Variants in CREB1 observed in about 807,000 individuals in gnomAD.
CREB1 encodes the protein cyclic AMP-responsive element-binding protein 1.
Under a neutral mutation model 42.0 loss-of-function variants are expected in CREB1, and 2 were observed. That is an observed-to-expected ratio of 0.05 (90% CI 0.02 to 0.15). The LOEUF is 0.15. Ranked by LOEUF, CREB1 falls within the 10% of genes least tolerant of loss-of-function variation. The pLI is 1.00. For missense variants in CREB1, 199 were observed against 388.9 expected (o/e 0.51, Z 4.11); for synonymous variants, 123 against 139.9 (o/e 0.88, Z 0.85).
At chr2:207,586,258 A>G (rs1246021927) in intron 7 of CREB1, among the ~76,000 whole-genome samples, 2 of 152,220 alleles carry the variant, frequency 1.3e-5, no homozygotes, top group South Asian at 2.1e-4. Flanking sequence ...GTGGAACAGA[A>G]TAAAGAACAC....
intron 5 of CREB1, 120 bp from the exon 6 acceptor site, chr2:207,575,152 G>T: frequency 9.9e-7 from 1 of 1,006,952 alleles, no homozygotes; most frequent in East Asian, 2.4e-5. Context: ...ACCCTTCTTG[G>T]TGATGTTATT....
At chr2:207,559,722 G>A (rs1291476370) in intron 2 of CREB1, among the ~76,000 whole-genome samples, 2 of 152,278 alleles carry the variant, frequency 1.3e-5, no homozygotes, top group African/African-American at 2.4e-5. Context: ...ATTTTAGAAC[G>A]TGACTTATTT....
intron 7 of CREB1, among the ~76,000 whole-genome samples, chr2:207,592,300 G>C (rs1185553790): frequency 6.6e-6 from 1 of 151,958 alleles, no homozygotes; most frequent in African/African-American, 2.4e-5. Flanking sequence ...CCAGCTACTC[G>C]GGAGGCTGAG....
chr2:207,587,392 CAAA>C (rs765065014), intron 7 of CREB1, among the ~76,000 whole-genome samples: 4 of 82,734 alleles, frequency 4.8e-5, no homozygotes, highest in Admixed American at 1.4e-4. Flanking sequence ...GACTCCATCT[CAAA>C]AAAAAAAAAA....
intron 7 of CREB1, among the ~76,000 whole-genome samples, chr2:207,587,000 A>C (rs191988122): frequency 3.8e-3 from 572 of 152,378 alleles, no homozygotes; most frequent in Non-Finnish European, 6.5e-3. Context: ...ATGCAGAGAA[A>C]GGTGAACTCT....
At chr2:207,541,536 G>A (rs1188084490) in intron 1 of CREB1, among the ~76,000 whole-genome samples, 1 of 152,092 alleles carries the variant, frequency 6.6e-6, no homozygotes, top group South Asian at 2.1e-4. Context: ...TGTAGCCTTG[G>A]TACATAGTAG....
At chr2:207,590,095 T>G (rs1360478195) in intron 7 of CREB1, among the ~76,000 whole-genome samples, 1 of 142,072 alleles carries the variant, frequency 7.0e-6, no homozygotes, top group Admixed American at 7.4e-5. Flanking sequence ...TTTTTTTTTT[T>G]TTTTTTTTTT....
At chr2:207,566,776 G>A (rs1439188992) in intron 3 of CREB1, among the ~76,000 whole-genome samples, 1 of 152,118 alleles carries the variant, frequency 6.6e-6, no homozygotes, top group African/African-American at 2.4e-5. Context: ...ATATGTAAAT[G>A]CATTAGCATA....
chr2:207,577,277 A>T, intron 6 of CREB1: 1 of 1,068,046 alleles, frequency 9.4e-7, no homozygotes, highest in Non-Finnish European at 1.2e-6. Flanking sequence ...GAAAAATAAA[A>T]TGTAAGATCC....
intron 7 of CREB1, among the ~76,000 whole-genome samples, chr2:207,596,060 A>G (rs2086099978): frequency 6.6e-6 from 1 of 152,202 alleles, no homozygotes; most frequent in African/African-American, 2.4e-5. Context: ...GCCAAATCCA[A>G]TGTCAGAGAG....
chr2:207,562,996 A>G (rs1257531523), intron 3 of CREB1, among the ~76,000 whole-genome samples: 2 of 152,224 alleles, frequency 1.3e-5, no homozygotes, highest in Non-Finnish European at 2.9e-5. Context: ...GAGACAGACT[A>G]TGAAAAAATA....
intron 1 of CREB1, among the ~76,000 whole-genome samples, chr2:207,550,896 C>T (rs1043657204): frequency 1.3e-5 from 2 of 152,162 alleles, no homozygotes; most frequent in Non-Finnish European, 2.9e-5. Context: ...ATCTGACTTA[C>T]GTGTTTTACT....
chr2:207,562,426 C>T (rs1188192544), intron 3 of CREB1, among the ~76,000 whole-genome samples: 4 of 152,044 alleles, frequency 2.6e-5, no homozygotes. Flanking sequence ...TATTCTGGGG[C>T]AACATAATTT....
At chr2:207,555,255 T>TCTCTCTGTAC (rs1362377054) in intron 1 of CREB1, among the ~76,000 whole-genome samples, 1 of 152,224 alleles carries the variant, frequency 6.6e-6, no homozygotes, top group Non-Finnish European at 1.5e-5. Flanking sequence ...TCTTCTGCCA[T>TCTCTCTGTAC]CTCTCTGTAC....
chr2:207,572,035 G>T (rs2106553306), intron 5 of CREB1, among the ~76,000 whole-genome samples: 1 of 152,138 alleles, frequency 6.6e-6, no homozygotes, highest in East Asian at 1.9e-4. Flanking sequence ...AGACCAGCCT[G>T]CCCAACATGG....
At chr2:207,571,870 AC>A in intron 5 of CREB1, 1 of 376,790 alleles carries the variant, frequency 2.7e-6, no homozygotes, top group Non-Finnish European at 5.3e-6. Flanking sequence ...TTAGAAAAGT[AC>A]CAGCACCCCC....
chr2:207,597,576 C>T lies in CREB1; in HGVS notation c.*518C>T, dbSNP rs1312653737. On this transcript the variant is annotated 3_prime_UTR_variant, in exon 8 of 8. Transcript: ENST00000353267. ...TATGTAAAGTTGTTAAGAGACATAC[C>T]CTCTAAAAAAGAACTTTAGCATGGT... 4.8e-6 allele frequency: 1 copy of T among 209,158 alleles called. No homozygotes were observed. Among genetic ancestry groups the T allele is most frequent in the Non-Finnish European group, 9.7e-6 (1 of 102,846 alleles). The allele number at this position is 209,158 out of a possible 1,614,324, so 13.0% of individuals were successfully genotyped here. A position where few individuals can be genotyped will look rare whatever the true frequency, so the allele number is the denominator to read the frequency against.
At position 207,588,895 on chromosome 2, in the gene CREB1, G is replaced by GT. The variant is rs200995945; in HGVS notation, c.840-8019_840-8018insT. Reference sequence around the variant, plus strand: ...TTAGTTCTAGGAGCTTTGTCGGGGGGGGTGTAGATTCTTTGGGATTCTCTA... The same window carrying GT: ...TTAGTTCTAGGAGCTTTGTCGGGGGGTGGTGTAGATTCTTTGGGATTCTCTA... On this transcript the variant is annotated intron_variant, in intron 7 of 7. Coordinates refer to ENST00000353267, the MANE Select transcript of CREB1 (RefSeq NM_004379.5). Among the ~76,000 whole-genome samples the GT allele has an allele frequency of 4.2e-3, 607 of 143,776 alleles. 2 individuals are homozygous for GT. Among genetic ancestry groups the GT allele is most frequent in the South Asian group, 0.012 (52 of 4,388 alleles). 94.3% of individuals were successfully genotyped at this position (143,776 alleles called of 152,430 possible). A position where few individuals can be genotyped will look rare whatever the true frequency, so the allele number is the denominator to read the frequency against.
intron 7 of CREB1, among the ~76,000 whole-genome samples, chr2:207,588,843 A>G (rs1279358027): frequency 7.2e-6 from 1 of 139,570 alleles, no homozygotes; most frequent in Non-Finnish European, 1.5e-5. Context: ...TTTACCTTTT[A>G]TCCTATGACC....
Sources: gnomAD v4.1 joint callset for allele counts (sites outside exome capture counted in the v4.1 genomes callset) on GRCh38, gnomAD v4.1.1 for gene constraint, MANE v1.5 for transcripts, NCBI Gene and HGNC (gene_info 2026-07-23, HGNC 2026-07-21) for gene names.